GRIK1: variants seen among roughly 807,000 people sequenced by gnomAD.
GRIK1 encodes glutamate receptor ionotropic, kainate 1.
Under a neutral mutation model 105.7 loss-of-function variants are expected in GRIK1, and 69 were observed. The observed-to-expected ratio is 0.65, with a 90% CI of 0.54 to 0.80. The LOEUF is 0.80. GRIK1 is among the 30% of genes least tolerant of loss of function. GRIK1 has a pLI of 0.00. For missense variants in GRIK1, 1,109 were observed against 1,167.3 expected, an observed-to-expected ratio of 0.95 and a Z score of 0.73; for synonymous variants, 438 against 431.3, an observed-to-expected ratio of 1.02 and a Z score of -0.19.
chr21:29,848,797 G>A (rs1378613368), intron 1 of GRIK1, among the ~76,000 whole-genome samples: 4 of 56,672 alleles, frequency 7.1e-5, no homozygotes, highest in Non-Finnish European at 1.0e-4. Flanking sequence ...TTTTTTCCAC[G>A]ATCTTCACCT....
At chr21:29,828,285 A>G (rs919621998) in intron 1 of GRIK1, among the ~76,000 whole-genome samples, 1 of 152,068 alleles carries the variant, frequency 6.6e-6, no homozygotes, top group African/African-American at 2.4e-5. Context: ...TCACTTACAT[A>G]ACAGACTGCC....
Position 29,560,582 on chromosome 21 carries a change from T to TTCTTTCTTTCTC in GRIK1, c.2356+1030_2356+1041dup, listed in dbSNP as rs1568816002. ...TTTCTTTCTTTCTTTCTTTCTCTCT[T>TTCTTTCTTTCTC]TCTTTCTTTCTCTCCTTCCTTCCTT... On this transcript the variant is annotated intron_variant, in intron 15 of 17. Transcript: ENST00000327783. Among the ~76,000 whole-genome samples, 16 of 116,378 alleles carry TTCTTTCTTTCTC rather than the reference T, an allele frequency of 1.4e-4. 2 individuals carry two copies. Among genetic ancestry groups the TTCTTTCTTTCTC allele is most frequent in the Non-Finnish European group, 2.1e-4 (12 of 56,662 alleles). 76.3% of individuals were successfully genotyped at this position (116,378 alleles called of 152,430 possible).
chr21:29,700,796 A>G (rs1486709929), intron 1 of GRIK1, among the ~76,000 whole-genome samples: 3 of 152,156 alleles, frequency 2.0e-5, no homozygotes, highest in Non-Finnish European at 4.4e-5. Flanking sequence ...CTGTGCTGAG[A>G]GATTAGTGAA....
intron 16 of GRIK1, 49 bp from the exon 17 acceptor site, chr21:29,537,933 C>T: frequency 1.1e-6 from 1 of 875,712 alleles, no homozygotes; most frequent in South Asian, 1.5e-5. Flanking sequence ...TACATTTTCT[C>T]CAAAAAACAG....
intron 7 of GRIK1, among the ~76,000 whole-genome samples, chr21:29,638,235 A>G (rs1244510277): frequency 2.6e-5 from 4 of 152,104 alleles, no homozygotes; most frequent in Admixed American, 1.3e-4. Flanking sequence ...GAAACTTACA[A>G]TCATGGCGGA....
chr21:29,642,461 T>C (rs2062531000), intron 7 of GRIK1, among the ~76,000 whole-genome samples: 1 of 152,222 alleles, frequency 6.6e-6, no homozygotes, highest in Admixed American at 6.5e-5. Context: ...ATGCTGGAAC[T>C]ATCTCTGGTA....
At chr21:29,593,388 T>A (rs965379379) in intron 9 of GRIK1, among the ~76,000 whole-genome samples, 1 of 152,326 alleles carries the variant, frequency 6.6e-6, no homozygotes, top group South Asian at 2.1e-4. Context: ...TTTCTTAATC[T>A]GGCTTTAGAC....
chr21:29,857,161 G>A (rs555996255), intron 1 of GRIK1, among the ~76,000 whole-genome samples: 1 of 152,198 alleles, frequency 6.6e-6, no homozygotes, highest in South Asian at 2.1e-4. Context: ...TAATGAGTGA[G>A]CATCAAAGTA....
At chr21:29,929,829 G>A (rs1325679061) in intron 1 of GRIK1, among the ~76,000 whole-genome samples, 1 of 152,102 alleles carries the variant, frequency 6.6e-6, no homozygotes, top group Non-Finnish European at 1.5e-5. Flanking sequence ...TATATCCAAG[G>A]GAATTGAAAT....
At chr21:29,924,303 CT>C (rs1245329161) in intron 1 of GRIK1, among the ~76,000 whole-genome samples, 7 of 149,644 alleles carry the variant, frequency 4.7e-5, no homozygotes, top group African/African-American at 1.7e-4. Context: ...TGCCACTGCA[CT>C]CCAGCCTGGG....
intron 4 of GRIK1, among the ~76,000 whole-genome samples, chr21:29,670,899 G>A (rs1415451919): frequency 6.6e-6 from 1 of 152,198 alleles, no homozygotes; most frequent in Non-Finnish European, 1.5e-5. Context: ...GCTTTATTGA[G>A]AGGAAATTTT....
intron 1 of GRIK1, among the ~76,000 whole-genome samples, chr21:29,901,546 A>G (rs2070408574): frequency 6.6e-6 from 1 of 152,220 alleles, no homozygotes; most frequent in African/African-American, 2.4e-5. Flanking sequence ...AAAATCTAGA[A>G]GAAGTGGATA....
intron 13 of GRIK1, among the ~76,000 whole-genome samples, chr21:29,580,283 T>C (rs1470960201): frequency 6.6e-6 from 1 of 151,570 alleles, no homozygotes; most frequent in African/African-American, 2.4e-5. Context: ...ATTAAATACA[T>C]GGGTAAAGTA....
intron 1 of GRIK1, among the ~76,000 whole-genome samples, chr21:29,698,053 C>A (rs1336198537): frequency 6.6e-6 from 1 of 150,756 alleles, no homozygotes; most frequent in Non-Finnish European, 1.5e-5. Context: ...CTCTGTCTCC[C>A]TCCCTTCCTC....
intron 1 of GRIK1, among the ~76,000 whole-genome samples, chr21:29,929,337 T>C (rs960239863): frequency 3.3e-5 from 5 of 152,156 alleles, no homozygotes; most frequent in African/African-American, 1.2e-4. Context: ...CCTTAACTAA[T>C]CGTTGTTAAA....
In GRIK1 at chr21:29,550,107, CAAAAA is replaced by C. The variant is rs34939329; in HGVS notation, c.2607+4940_2607+4944del. 9.3e-3 allele frequency among the ~76,000 whole-genome samples: 497 copies of C among 53,402 alleles called. 2 individuals carry two copies. The highest frequency in any genetic ancestry group is 0.04 in the African/African-American group (462 of 11,674). 35.0% of individuals were successfully genotyped at this position (53,402 alleles called of 152,430 possible). On this transcript the variant is annotated intron_variant, in intron 16 of 17. Coordinates refer to ENST00000327783, the MANE Select transcript of GRIK1 (RefSeq NM_001330994.2). ...TGGGCGACAGAGAAAGACTCCATCT[CAAAAA>C]AAAAAAAAAAAAAAAAAAAAAAAGT...
intron 1 of GRIK1, among the ~76,000 whole-genome samples, chr21:29,813,046 C>T (rs145864668): frequency 1.6e-4 from 24 of 152,188 alleles, no homozygotes; most frequent in African/African-American, 5.3e-4. Flanking sequence ...GTACTGTGGA[C>T]ATCTGCAACA....
At chr21:29,812,118 G>A (rs538997913) in intron 1 of GRIK1, among the ~76,000 whole-genome samples, 1 of 152,184 alleles carries the variant, frequency 6.6e-6, no homozygotes, top group East Asian at 1.9e-4. Flanking sequence ...ATATATGTAC[G>A]TGTGTATAAT....
chr21:29,812,290 G>A (rs1369185479), intron 1 of GRIK1, among the ~76,000 whole-genome samples: 3 of 152,094 alleles, frequency 2.0e-5, no homozygotes, highest in African/African-American at 7.2e-5. Context: ...AGACAGGCAT[G>A]GTGCTGTGGT....
Sources: allele counts gnomAD v4.1 joint callset (sites outside exome capture counted in the v4.1 genomes callset), GRCh38; gene constraint gnomAD v4.1.1; transcripts MANE v1.5; gene names NCBI Gene and HGNC (gene_info 2026-07-23, HGNC 2026-07-21).